XPO4: variants seen among roughly 807,000 people sequenced by gnomAD.
XPO4 encodes exportin-4.
In XPO4, 39 loss-of-function variants were observed where a neutral mutation model predicts 143.0. The ratio of observed to expected loss-of-function variants is 0.27; its 90% CI spans 0.21 to 0.36. XPO4 has a LOEUF of 0.36. Among genes scored for constraint, XPO4 ranks in the 10% least tolerant of loss-of-function variants. XPO4 has a pLI of 1.00. For synonymous variants in XPO4, 439 were observed against 474.0 expected (o/e 0.93, Z 0.96); for missense variants, 907 against 1,348.0 (o/e 0.67, Z 5.12).
intron 6 of XPO4, among the ~76,000 whole-genome samples, chr13:20,838,622 A>G (rs2059943046): frequency 6.6e-6 from 1 of 151,296 alleles, no homozygotes; most frequent in African/African-American, 2.4e-5. Flanking sequence ...AAAAAAAAAA[A>G]AAAAAAAGAA....
At chr13:20,838,652 T>C (rs1192714612) in intron 6 of XPO4, among the ~76,000 whole-genome samples, 4 of 151,180 alleles carry the variant, frequency 2.6e-5, no homozygotes, top group Non-Finnish European at 5.9e-5. Flanking sequence ...ATTTTGGTCT[T>C]GTTCTGTTGC....
chr13:20,828,361 AC>A (rs755083678), intron 6 of XPO4, among the ~76,000 whole-genome samples: 1 of 152,204 alleles, frequency 6.6e-6, no homozygotes, highest in East Asian at 1.9e-4. Flanking sequence ...AATGATAATC[AC>A]CCAGAGCTAT....
At chr13:20,887,098 A>G (rs2060468394) in intron 1 of XPO4, among the ~76,000 whole-genome samples, 1 of 152,198 alleles carries the variant, frequency 6.6e-6, no homozygotes, top group Non-Finnish European at 1.5e-5. Context: ...ATAAAAGGAT[A>G]GCAAACAAAT....
At chr13:20,863,826 C>T (rs551935925) in intron 2 of XPO4, among the ~76,000 whole-genome samples, 4 of 152,312 alleles carry the variant, frequency 2.6e-5, no homozygotes, top group Admixed American at 1.3e-4. Flanking sequence ...TAGGCATAGA[C>T]TGGCACCTTC....
At chr13:20,819,048 C>G (rs965625566) in intron 9 of XPO4, among the ~76,000 whole-genome samples, 1 of 152,194 alleles carries the variant, frequency 6.6e-6, no homozygotes, top group Non-Finnish European at 1.5e-5. Flanking sequence ...GTCTCGAACT[C>G]CTGACCTCAG....
intron 6 of XPO4, among the ~76,000 whole-genome samples, chr13:20,831,412 C>A (rs916612676): frequency 6.6e-6 from 1 of 152,080 alleles, no homozygotes; most frequent in African/African-American, 2.4e-5. Context: ...CACGAAAGAA[C>A]AGTTTGACAA....
At chr13:20,861,148 CTT>C (rs2060193644) in intron 3 of XPO4, among the ~76,000 whole-genome samples, 1 of 151,986 alleles carries the variant, frequency 6.6e-6, no homozygotes, top group Admixed American at 6.6e-5. Context: ...TCTTTAATGA[CTT>C]TGGAAATGAA....
intron 9 of XPO4, among the ~76,000 whole-genome samples, chr13:20,810,425 T>C (rs1358984351): frequency 6.6e-6 from 1 of 152,138 alleles, no homozygotes; most frequent in Admixed American, 6.6e-5. Flanking sequence ...TTCCATACAG[T>C]AGAAAAGCAC....
intron 2 of XPO4, 186 bp downstream of exon 2, chr13:20,868,410 C>A: frequency 2.2e-5 from 21 of 976,666 alleles, no homozygotes; most frequent in East Asian, 7.6e-5. Context: ...AAAGTAAAAA[C>A]AAAGTTTCCC....
chr13:20,861,139 C>T (rs1232975571), intron 3 of XPO4, among the ~76,000 whole-genome samples: 2 of 152,032 alleles, frequency 1.3e-5, no homozygotes. Context: ...AAAATTTTTT[C>T]TTTAATGACT....
intron 20 of XPO4, among the ~76,000 whole-genome samples, chr13:20,788,064 T>G (rs998543729): frequency 2.3e-4 from 35 of 150,544 alleles, no homozygotes; most frequent in Non-Finnish European, 3.4e-4. Context: ...TTTGTTTTTT[T>G]TTTTTTTTGA....
chr13:20,856,959 C>T (rs542126217), intron 3 of XPO4: 461 of 910,652 alleles, frequency 5.1e-4, no homozygotes, highest in African/African-American at 3.7e-3. Flanking sequence ...ACTCTATGCA[C>T]ACTAGCATAT....
chr13:20,799,530 G>A (rs2059406038), intron 15 of XPO4, among the ~76,000 whole-genome samples, 191 bp from the exon 16 acceptor site: 1 of 152,170 alleles, frequency 6.6e-6, no homozygotes, highest in East Asian at 1.9e-4. Context: ...GTCTGGTGAT[G>A]TAAAATTTAT....
chr13:20,850,008 A>G, intron 4 of XPO4: 2 of 650,820 alleles, frequency 3.1e-6, no homozygotes, highest in Non-Finnish European at 3.8e-6. Flanking sequence ...CGGGTGGCTG[A>G]GGCATGAGAA....
chr13:20,880,086 G>C (rs1445894154), intron 1 of XPO4, among the ~76,000 whole-genome samples: 1 of 152,130 alleles, frequency 6.6e-6, no homozygotes, highest in Admixed American at 6.5e-5. Context: ...GGAGAAACTG[G>C]AACCTTTGTA....
chr13:20,852,499 G>C, intron 4 of XPO4: 1 of 985,374 alleles, frequency 1.0e-6, no homozygotes, highest in Non-Finnish European at 1.2e-6. Flanking sequence ...CAAATTCATA[G>C]AAATGACAAG....
chr13:20,867,391 T>C (rs772504508), intron 2 of XPO4, among the ~76,000 whole-genome samples: 15 of 152,204 alleles, frequency 9.9e-5, no homozygotes, highest in Non-Finnish European at 1.0e-4. Flanking sequence ...TAAAATCAAG[T>C]ATATGGCCAT....
At chr13:20,842,097 C>A (rs1262324179) in intron 6 of XPO4, among the ~76,000 whole-genome samples, 1 of 152,216 alleles carries the variant, frequency 6.6e-6, no homozygotes, top group Non-Finnish European at 1.5e-5. Flanking sequence ...TTAATTCACA[C>A]AACAATCCAT....
At chr13:20,820,904 T>G (rs529842179) in intron 9 of XPO4, among the ~76,000 whole-genome samples, 4 of 152,188 alleles carry the variant, frequency 2.6e-5, no homozygotes, top group African/African-American at 4.8e-5. Context: ...CTTTTTCCTC[T>G]TACAGCCTTT....
Sources: gnomAD v4.1 joint callset for allele counts (sites outside exome capture counted in the v4.1 genomes callset) on GRCh38, gnomAD v4.1.1 for gene constraint, MANE v1.5 for transcripts, NCBI Gene and HGNC (gene_info 2026-07-23, HGNC 2026-07-21) for gene names.